Variants in CCDC91 observed in about 807,000 individuals in gnomAD.
CCDC91 encodes coiled-coil domain containing 91, also known as coiled-coil domain-containing protein 91.
Under a neutral mutation model 63.2 loss-of-function variants are expected in CCDC91, and 48 were observed. The observed-to-expected ratio is 0.76, with a 90% CI of 0.60 to 0.97. The LOEUF is 0.97. Among genes scored for constraint, CCDC91 ranks in the 50% least tolerant of loss-of-function variants. CCDC91 has a pLI of 0.00. For synonymous variants in CCDC91, 167 were observed against 165.8 expected, an observed-to-expected ratio of 1.01 and a Z score of -0.06; for missense variants, 500 against 494.6, an observed-to-expected ratio of 1.01 and a Z score of -0.10.
At chr12:28,441,588 C>T (rs1949211011) in intron 8 of CCDC91, among the ~76,000 whole-genome samples, 1 of 142,746 alleles carries the variant, frequency 7.0e-6, no homozygotes, top group African/African-American at 2.7e-5. Flanking sequence ...AGCGATGAAG[C>T]CTGTGTGTAT....
intron 6 of CCDC91, among the ~76,000 whole-genome samples, chr12:28,310,861 A>G (rs1380616187): frequency 1.3e-5 from 2 of 152,104 alleles, no homozygotes; most frequent in East Asian, 3.9e-4. Context: ...CTGCCGAAGC[A>G]TTTTTATTAT....
chr12:28,542,845 C>T (rs1942724876), intron 12 of CCDC91, among the ~76,000 whole-genome samples: 3 of 151,938 alleles, frequency 2.0e-5, no homozygotes, highest in Admixed American at 6.6e-5. Flanking sequence ...TTTTGTGGAA[C>T]ACGTTGTAAG....
chr12:28,340,864 A>G (rs1351933153), intron 6 of CCDC91, among the ~76,000 whole-genome samples: 1 of 152,186 alleles, frequency 6.6e-6, no homozygotes, highest in Non-Finnish European at 1.5e-5. Context: ...GGCTTTCTGT[A>G]TCCCGAGGTT....
intron 1 of CCDC91, among the ~76,000 whole-genome samples, chr12:28,237,446 C>T (rs75662290): frequency 6.6e-6 from 1 of 152,150 alleles, no homozygotes; most frequent in Middle Eastern, 3.4e-3. Context: ...TCACAAGTGT[C>T]CTCATAAGAG....
chr12:28,340,540 A>C (rs1942336458), intron 6 of CCDC91, among the ~76,000 whole-genome samples: 5 of 152,180 alleles, frequency 3.3e-5, no homozygotes, highest in African/African-American at 7.2e-5. Flanking sequence ...TTCCATCTTC[A>C]AAGCCAGAAA....
At chr12:28,520,398 G>C (rs1241878440) in intron 12 of CCDC91, among the ~76,000 whole-genome samples, 1 of 152,104 alleles carries the variant, frequency 6.6e-6, no homozygotes, top group Non-Finnish European at 1.5e-5. Context: ...CTTACCTTTT[G>C]CCCACTTTTT....
At chr12:28,213,942 A>G (rs1393008644) in intron 1 of CCDC91, among the ~76,000 whole-genome samples, 1 of 152,126 alleles carries the variant, frequency 6.6e-6, no homozygotes, top group African/African-American at 2.4e-5. Context: ...TATATGCTGG[A>G]TCAGTTTCCA....
chr12:28,481,617 A>G (rs936134820), intron 11 of CCDC91, among the ~76,000 whole-genome samples: 5 of 152,008 alleles, frequency 3.3e-5, no homozygotes, highest in African/African-American at 1.2e-4. Context: ...TTATTAATCA[A>G]TTCTTACTAA....
At chr12:28,491,365 T>G (rs931408576) in intron 12 of CCDC91, among the ~76,000 whole-genome samples, 2 of 151,778 alleles carry the variant, frequency 1.3e-5, no homozygotes, top group Non-Finnish European at 2.9e-5. Flanking sequence ...ACCATGTCTT[T>G]TAAAGCTTAA....
intron 3 of CCDC91, among the ~76,000 whole-genome samples, chr12:28,291,893 T>C (rs1429615270): frequency 6.6e-6 from 1 of 152,178 alleles, no homozygotes; most frequent in Non-Finnish European, 1.5e-5. Flanking sequence ...TGCTCTCAAT[T>C]GGTTGTTGTC....
At chr12:28,196,518 T>G (rs1172400218) in intron 1 of CCDC91, among the ~76,000 whole-genome samples, 1 of 152,224 alleles carries the variant, frequency 6.6e-6, no homozygotes, top group Non-Finnish European at 1.5e-5. Flanking sequence ...CAGATATCCT[T>G]GCATTGCTCT....
At chr12:28,333,987 A>G (rs1397856764) in intron 6 of CCDC91, among the ~76,000 whole-genome samples, 1 of 152,084 alleles carries the variant, frequency 6.6e-6, no homozygotes, top group Non-Finnish European at 1.5e-5. Flanking sequence ...CTTACATGAC[A>G]GACTTCTGTG....
At chr12:28,539,440 G>T (rs1307818610) in intron 12 of CCDC91, among the ~76,000 whole-genome samples, 4 of 151,978 alleles carry the variant, frequency 2.6e-5, no homozygotes, top group Non-Finnish European at 5.9e-5. Flanking sequence ...TATTTCTGAG[G>T]GCTCTGTTCT....
chr12:28,327,848 G>A (rs146600867), intron 6 of CCDC91, among the ~76,000 whole-genome samples: 38 of 152,204 alleles, frequency 2.5e-4, no homozygotes, highest in Non-Finnish European at 3.8e-4. Context: ...GAGCTGCCAT[G>A]TTGAATCTCA....
chr12:28,282,821 G>T (rs933000614), intron 3 of CCDC91, among the ~76,000 whole-genome samples: 1 of 152,052 alleles, frequency 6.6e-6, no homozygotes, highest in Non-Finnish European at 1.5e-5. Context: ...TTTTCTCCTA[G>T]AATTTTTATG....
At chr12:28,231,178 G>A (rs1347749553) in intron 1 of CCDC91, among the ~76,000 whole-genome samples, 2 of 152,150 alleles carry the variant, frequency 1.3e-5, no homozygotes, top group Non-Finnish European at 2.9e-5. Flanking sequence ...TGTGGGTTGT[G>A]AGAAATAAAC....
intron 7 of CCDC91, among the ~76,000 whole-genome samples, chr12:28,379,934 C>G (rs1945186637): frequency 6.6e-6 from 1 of 151,668 alleles, no homozygotes; most frequent in Non-Finnish European, 1.5e-5. Context: ...AGTAACTTAA[C>G]CCAGTGATAG....
chr12:28,391,345 T>C lies in CCDC91; in HGVS notation c.696T>C (p.Ile232=), dbSNP rs746500964. The change falls in exon 8 of 13, where the codon ATT becomes ATC. Residue 232 remains isoleucine (I), a synonymous_variant. Coordinates refer to ENST00000536442, the MANE Select transcript of CCDC91 (RefSeq NM_018318.5). ...CAGTTAAGCAACAAGTAGAAGCTAT[T>C]GAAAAACAGTACATTTCTGCAATTG... is the stretch of plus-strand genomic sequence containing the variant. ...QSSVKQQVEA[I]EKQYISAIEK... is the part of the protein sequence containing the mutation. The C allele has an allele frequency of 3.9e-5, 63 of 1,613,076 alleles. No homozygotes were observed. The Middle Eastern group carries it at 4.9e-4, about 13-fold the overall frequency.
intron 12 of CCDC91, among the ~76,000 whole-genome samples, chr12:28,530,146 C>G (rs893971516): frequency 6.6e-6 from 1 of 152,192 alleles, no homozygotes; most frequent in African/African-American, 2.4e-5. Flanking sequence ...ATGCCTGTAT[C>G]AACAAACTGA....
Sources: allele counts gnomAD v4.1 joint callset (sites outside exome capture counted in the v4.1 genomes callset), GRCh38; gene constraint gnomAD v4.1.1; transcripts MANE v1.5; gene names NCBI Gene and HGNC (gene_info 2026-07-23, HGNC 2026-07-21).